XPO4: variants seen among roughly 807,000 people sequenced by gnomAD.
XPO4 encodes the protein exportin-4.
In XPO4, 39 loss-of-function variants were observed where a neutral mutation model predicts 143.0. The observed-to-expected ratio is 0.27, with a 90% CI of 0.21 to 0.36. XPO4 has a LOEUF of 0.36. XPO4 is among the 10% of genes least tolerant of loss of function. The pLI, the probability that XPO4 is intolerant of heterozygous loss-of-function variation, is 1.00. For missense variants in XPO4, 907 were observed against 1,348.0 expected (o/e 0.67, Z 5.12); for synonymous variants, 439 against 474.0 (o/e 0.93, Z 0.96).
intron 6 of XPO4, among the ~76,000 whole-genome samples, chr13:20,831,662 CAAT>C (rs1401617013): frequency 6.6e-6 from 1 of 152,068 alleles, no homozygotes; most frequent in African/African-American, 2.4e-5. Context: ...ACAATTCCAT[CAAT>C]AAGAAAGCCA....
At chr13:20,872,345 T>C (rs947904500) in intron 1 of XPO4, among the ~76,000 whole-genome samples, 3 of 152,168 alleles carry the variant, frequency 2.0e-5, no homozygotes, top group African/African-American at 7.2e-5. Flanking sequence ...ACATAACACG[T>C]TGCTTGTCCA....
intron 1 of XPO4, among the ~76,000 whole-genome samples, chr13:20,872,021 G>C (rs187994443): frequency 3.3e-5 from 5 of 152,234 alleles, no homozygotes; most frequent in African/African-American, 1.2e-4. Flanking sequence ...ATTCCTTCTT[G>C]AAATCTACTT....
intron 4 of XPO4, chr13:20,849,735 G>C (rs537213631): frequency 1.0e-6 from 1 of 984,958 alleles, no homozygotes; most frequent in East Asian, 1.1e-4. Context: ...ACTATCTGTA[G>C]AGAACCAAGT....
intron 13 of XPO4, among the ~76,000 whole-genome samples, 165 bp downstream of exon 13, chr13:20,807,292 A>G (rs1210996675): frequency 6.6e-6 from 1 of 152,208 alleles, no homozygotes. Context: ...GCCTAAATAT[A>G]CTGAGTACTT....
chr13:20,787,399 C>T, intron 21 of XPO4, 82 bp downstream of exon 21: 1 of 1,309,616 alleles, frequency 7.6e-7, no homozygotes, highest in Non-Finnish European at 1.1e-6. Context: ...GGAAGCATTT[C>T]CTCATTTGAA....
At chr13:20,856,473 A>C (rs747287593) in intron 3 of XPO4, 1 of 497,262 alleles carries the variant, frequency 2.0e-6, no homozygotes. Flanking sequence ...TCTGAAAGAT[A>C]AGGATCAGAA....
At chr13:20,784,072 A>G (rs2059171030) in intron 22 of XPO4, among the ~76,000 whole-genome samples, 153 bp from the exon 23 acceptor site, 1 of 152,220 alleles carries the variant, frequency 6.6e-6, no homozygotes, top group Non-Finnish European at 1.5e-5. Flanking sequence ...CTACTGTTTG[A>G]AAACCTTTTA....
intron 19 of XPO4, among the ~76,000 whole-genome samples, chr13:20,789,476 G>C (rs182568878): frequency 6.7e-6 from 1 of 149,114 alleles, no homozygotes; most frequent in African/African-American, 2.5e-5. Flanking sequence ...CTCACTGCAA[G>C]CTCCGCCTCC....
intron 1 of XPO4, among the ~76,000 whole-genome samples, chr13:20,878,220 ACTG>A (rs1442173387): frequency 6.6e-6 from 1 of 152,154 alleles, no homozygotes; most frequent in African/African-American, 2.4e-5. Context: ...ATCATTATAA[ACTG>A]CTAATGGTAA....
chr13:20,814,360 T>C (rs1326396289), intron 9 of XPO4, among the ~76,000 whole-genome samples: 1 of 152,174 alleles, frequency 6.6e-6, no homozygotes, highest in African/African-American at 2.4e-5. Flanking sequence ...TTTTCAATAA[T>C]CCCTCCTATT....
At position 20,796,259 on chromosome 13, in the gene XPO4, G is replaced by GA. The variant is rs34352023; in HGVS notation, c.2617-4dup. 142,179 of 1,091,974 alleles carry GA rather than the reference G, an allele frequency of 0.13. 803 individuals are homozygous for GA. Among genetic ancestry groups the GA allele is most frequent in the African/African-American group, 0.17 (9,730 of 58,864 alleles). The allele number at this position is 1,091,974 out of a possible 1,614,324, so 67.6% of individuals were successfully genotyped here. On this transcript the variant is annotated splice_polypyrimidine_tract_variant and splice_region_variant and intron_variant, in intron 17 of 22. Transcript: ENST00000255305. ...TCATATAAGTTCATAGCTTTGGACT[G>GA]AAAAAAAAAAAAATGCACAAATTAT...
At chr13:20,863,151 AT>A (rs1430905012) in intron 2 of XPO4, 3 of 1,031,480 alleles carry the variant, frequency 2.9e-6, no homozygotes, top group Non-Finnish European at 3.5e-6. Flanking sequence ...TTTAAAAAAA[AT>A]AAAAATAAAA....
At chr13:20,824,315 C>T (rs1360541896) in intron 7 of XPO4, among the ~76,000 whole-genome samples, 1 of 152,144 alleles carries the variant, frequency 6.6e-6, no homozygotes, top group Non-Finnish European at 1.5e-5. Flanking sequence ...GCCTTAGAAT[C>T]TAATCAGCAT....
At chr13:20,881,519 C>T (rs1237954121) in intron 1 of XPO4, among the ~76,000 whole-genome samples, 1 of 152,092 alleles carries the variant, frequency 6.6e-6, no homozygotes, top group Non-Finnish European at 1.5e-5. Flanking sequence ...ATCCCCCCGC[C>T]TCAGCCTCCC....
intron 6 of XPO4, among the ~76,000 whole-genome samples, chr13:20,829,031 A>G (rs188825523): frequency 7.4e-4 from 113 of 152,368 alleles, no homozygotes; most frequent in African/African-American, 2.7e-3. Flanking sequence ...ATTTTCCACA[A>G]TAACGGGATG....
In XPO4 at chr13:20,778,202, G is replaced by A. The variant is rs1446528757; in HGVS notation, c.*5520C>T. 6.6e-6 allele frequency: 1 copy of A among 152,132 alleles called. No individual in the cohort carries two copies. Among genetic ancestry groups the A allele is most frequent in the African/African-American group, 2.4e-5 (1 of 41,438 alleles). The allele number at this position is 152,132 out of a possible 1,614,324, so 9.4% of individuals were successfully genotyped here. A position where few individuals can be genotyped will look rare whatever the true frequency, so the allele number is the denominator to read the frequency against. On this transcript the variant is annotated 3_prime_UTR_variant, in exon 23 of 23. Transcript: ENST00000255305. Reference sequence around the variant, plus strand: ...GTCTCAAATGACAGATGATTAGCCTGTGTGTATGGCCCCACACTTGGTAAT... The same window carrying A: ...GTCTCAAATGACAGATGATTAGCCTATGTGTATGGCCCCACACTTGGTAAT...
rs567870846 is a variant in XPO4 at position 20,840,103 on chromosome 13, AT to A, written c.727+2791del. Among the ~76,000 whole-genome samples the A allele has an allele frequency of 6.1e-3, 932 of 152,332 alleles. 6 individuals carry two copies. The highest frequency in any genetic ancestry group is 0.014 in the Middle Eastern group (4 of 294). ...GTTACTGATAATTTAACACAGCCTC[AT>A]TTAACATACCATTCTAAATTATCAA... On this transcript the variant is annotated intron_variant, in intron 6 of 22. Coordinates refer to ENST00000255305, the MANE Select transcript of XPO4 (RefSeq NM_022459.5).
chr13:20,846,042 T>G, intron 4 of XPO4, among the ~76,000 whole-genome samples: 1 of 152,158 alleles, frequency 6.6e-6, no homozygotes, highest in East Asian at 1.9e-4. Context: ...AAAACAGAAT[T>G]GACACATAAC....
intron 13 of XPO4, among the ~76,000 whole-genome samples, chr13:20,805,483 A>C (rs1647492036): frequency 6.6e-6 from 1 of 152,152 alleles, no homozygotes; most frequent in South Asian, 2.1e-4. Context: ...AAGCAGGCCC[A>C]GGGCCTTTGC....
Sources: gnomAD v4.1 joint callset for allele counts (sites outside exome capture counted in the v4.1 genomes callset) on GRCh38, gnomAD v4.1.1 for gene constraint, MANE v1.5 for transcripts, NCBI Gene and HGNC (gene_info 2026-07-23, HGNC 2026-07-21) for gene names.